The following FOXP2 variants were observed in gnomAD, a reference collection of about 807,000 sequenced individuals.
FOXP2 encodes the protein forkhead box P2, also known as forkhead box protein P2.
Under a neutral mutation model 115.8 loss-of-function variants are expected in FOXP2, and 12 were observed. That is an observed-to-expected ratio of 0.10 (90% CI 0.07 to 0.17). The LOEUF (loss-of-function observed/expected upper bound fraction) is 0.17, where lower values mean the gene tolerates loss of function less well. Ranked by LOEUF, FOXP2 falls within the 10% of genes least tolerant of loss-of-function variation. The pLI, the probability that FOXP2 is intolerant of heterozygous loss-of-function variation, is 1.00. For synonymous variants in FOXP2, 328 were observed against 297.7 expected (o/e 1.10, Z -1.05); for missense variants, 629 against 843.5 (o/e 0.75, Z 3.15).
At chr7:114,495,580 A>C (rs1473023479) in intron 2 of FOXP2, among the ~76,000 whole-genome samples, 1 of 136,038 alleles carries the variant, frequency 7.4e-6, no homozygotes, top group East Asian at 2.2e-4. Flanking sequence ...ATCTCAGCTC[A>C]CTGCAACCTC....
intron 3 of FOXP2, among the ~76,000 whole-genome samples, chr7:114,583,787 A>G (rs1285709939): frequency 6.6e-6 from 1 of 152,226 alleles, no homozygotes; most frequent in Non-Finnish European, 1.5e-5. Context: ...AATAGTTCCT[A>G]CATCATTTTT....
At chr7:114,275,643 A>T (rs892657574) in intron 1 of FOXP2, among the ~76,000 whole-genome samples, 1 of 152,144 alleles carries the variant, frequency 6.6e-6, no homozygotes, top group African/African-American at 2.4e-5. Context: ...TTTTCATAAT[A>T]GTTGTTTTAC....
chr7:114,347,220 T>C (rs1185878667), intron 2 of FOXP2, among the ~76,000 whole-genome samples: 1 of 151,926 alleles, frequency 6.6e-6, no homozygotes, highest in Non-Finnish European at 1.5e-5. Context: ...ATTGAAATTA[T>C]ACTTTTGTTT....
At chr7:114,566,459 G>T (rs1445424294) in intron 3 of FOXP2, among the ~76,000 whole-genome samples, 1 of 151,990 alleles carries the variant, frequency 6.6e-6, no homozygotes. Flanking sequence ...AGTTCCCACA[G>T]AGCTGGTTGT....
chr7:114,510,077 A>G (rs1798000103), intron 2 of FOXP2, among the ~76,000 whole-genome samples: 1 of 152,190 alleles, frequency 6.6e-6, no homozygotes, highest in African/African-American at 2.4e-5. Flanking sequence ...ATGAGCAAAG[A>G]GAAGCTCACA....
intron 2 of FOXP2, among the ~76,000 whole-genome samples, chr7:114,438,480 A>G (rs1171155718): frequency 5.9e-5 from 9 of 151,918 alleles, no homozygotes; most frequent in Non-Finnish European, 8.8e-5. Flanking sequence ...CCTTAAAGTC[A>G]TATTATCCTA....
At chr7:114,416,542 A>G (rs1482178726) in intron 1 of FOXP2, 1 of 150,136 alleles carries the variant, frequency 6.7e-6, no homozygotes, top group East Asian at 2.0e-4. Context: ...ACTCTATTTA[A>G]TGTGTGCTTA....
In FOXP2 at chr7:114,186,336, C is replaced by T. The variant is rs534638421; in HGVS notation, c.-102+23248C>T. On this transcript the variant is annotated intron_variant, in intron 1 of 17. Coordinates refer to the FOXP2 transcript ENST00000634411. ...ACCATTCATCTTGAGGCAAATTTCC[C>T]TCTTGGAATAGTATAATATTTCTCC... is the stretch of plus-strand genomic sequence containing the variant. Among the ~76,000 whole-genome samples, 6 of 152,138 alleles carry T rather than the reference C, an allele frequency of 3.9e-5. No homozygotes were observed. The East Asian group carries it at 9.7e-4, about 25-fold the overall frequency.
intron 2 of FOXP2, among the ~76,000 whole-genome samples, chr7:114,437,476 G>A (rs977117930): frequency 6.6e-6 from 1 of 151,992 alleles, no homozygotes; most frequent in African/African-American, 2.4e-5. Flanking sequence ...TGCAATAACC[G>A]ATTGCAGTAC....
chr7:114,467,535 G>A (rs998479737), intron 2 of FOXP2, among the ~76,000 whole-genome samples: 8 of 152,064 alleles, frequency 5.3e-5, no homozygotes, highest in Non-Finnish European at 1.2e-4. Flanking sequence ...TGCATCATAA[G>A]TTGCAACTAT....
At chr7:114,648,303 A>G (rs950163354) in intron 8 of FOXP2, among the ~76,000 whole-genome samples, 1 of 152,072 alleles carries the variant, frequency 6.6e-6, no homozygotes, top group East Asian at 1.9e-4. Context: ...ATCTCACATA[A>G]TCAACTAAAT....
chr7:114,127,365 A>T (rs997341212), intron 1 of FOXP2, among the ~76,000 whole-genome samples: 3 of 152,164 alleles, frequency 2.0e-5, no homozygotes, highest in African/African-American at 7.2e-5. Context: ...GGAAAAGATT[A>T]TATAAGGGCA....
intron 2 of FOXP2, among the ~76,000 whole-genome samples, chr7:114,477,764 T>A (rs1289725565): frequency 6.6e-6 from 1 of 151,878 alleles, no homozygotes; most frequent in Non-Finnish European, 1.5e-5. Context: ...AGTAGATTTG[T>A]CACAGGATTT....
chr7:114,307,302 A>G (rs1797036804), intron 2 of FOXP2, among the ~76,000 whole-genome samples: 1 of 152,140 alleles, frequency 6.6e-6, no homozygotes, highest in African/African-American at 2.4e-5. Flanking sequence ...GACCACATTT[A>G]TGCCCCCCGA....
Position 114,644,801 on chromosome 7 carries a change from AC to A in FOXP2, c.1094+13del. 6.2e-7 allele frequency: 1 copy of A among 1,603,012 alleles called. No homozygotes were observed. The highest frequency in any genetic ancestry group is 8.5e-7 in the Non-Finnish European group (1 of 1,172,866). On this transcript the variant is annotated intron_variant, in intron 8 of 16. Coordinates refer to ENST00000350908, the MANE Select transcript of FOXP2 (RefSeq NM_014491.4). ...GGACAGTTTTTAAAGTAGGTTTTTTACTTTTTTTTGGTGGGGGGCGGGGGCT... is the reference window on the plus strand; with the variant it reads ...GGACAGTTTTTAAAGTAGGTTTTTTATTTTTTTTGGTGGGGGGCGGGGGCT...
intron 3 of FOXP2, among the ~76,000 whole-genome samples, chr7:114,597,532 A>G (rs1802794352): frequency 6.6e-6 from 1 of 152,120 alleles, no homozygotes; most frequent in Non-Finnish European, 1.5e-5. Flanking sequence ...GCATCACCAT[A>G]AATGCCAGCA....
At chr7:114,287,332 T>C (rs543087432) in intron 1 of FOXP2, among the ~76,000 whole-genome samples, 1 of 152,104 alleles carries the variant, frequency 6.6e-6, no homozygotes, top group African/African-American at 2.4e-5. Context: ...TTCAAAGCCG[T>C]CCTGGCCACG....
At chr7:114,087,055 C>A (rs888756228), upstream of FOXP2, among the ~76,000 whole-genome samples, 14 of 152,042 alleles carry the variant, frequency 9.2e-5, no homozygotes, top group Non-Finnish European at 1.6e-4. Context: ...CCTCCCCGCA[C>A]CCCCACCCCC....
chr7:114,176,289 T>TTTC (rs1491215802), intron 1 of FOXP2, among the ~76,000 whole-genome samples: 286 of 41,208 alleles, frequency 6.9e-3, no homozygotes, highest in African/African-American at 0.014. Flanking sequence ...TCTTTCTTTC[T>TTTC]TTCTTTCTTT....
Sources: allele counts gnomAD v4.1 joint callset (sites outside exome capture counted in the v4.1 genomes callset), GRCh38; gene constraint gnomAD v4.1.1; transcripts MANE v1.5; gene names NCBI Gene and HGNC (gene_info 2026-07-23, HGNC 2026-07-21).